The following CDH4 variants were observed in gnomAD, a reference collection of about 807,000 sequenced individuals.
CDH4 encodes the protein cadherin 4.
A neutral mutation model predicts 86.0 loss-of-function variants in CDH4; 33 were observed. That is an observed-to-expected ratio of 0.38 (90% CI 0.29 to 0.51). The LOEUF (loss-of-function observed/expected upper bound fraction) is 0.51, where lower values mean the gene tolerates loss of function less well. Among genes scored for constraint, CDH4 ranks in the 20% least tolerant of loss-of-function variants. The pLI is 0.86. For synonymous variants in CDH4, 555 were observed against 549.4 expected, an observed-to-expected ratio of 1.01 and a Z score of -0.14; for missense variants, 1,114 against 1,307.4, an observed-to-expected ratio of 0.85 and a Z score of 2.28.
chr20:61,322,363 G>A (rs1354957213), intron 2 of CDH4, among the ~76,000 whole-genome samples: 6 of 152,308 alleles, frequency 3.9e-5, no homozygotes, highest in Non-Finnish European at 7.4e-5. Flanking sequence ...GGGAGGTGCC[G>A]GCATCAGGAT....
At chr20:61,472,522 A>AT (rs1021248398) in intron 2 of CDH4, among the ~76,000 whole-genome samples, 12 of 151,496 alleles carry the variant, frequency 7.9e-5, no homozygotes, top group African/African-American at 2.9e-4. Context: ...CTTGCTTTTC[A>AT]TTTTTTTTGT....
chr20:61,327,383 T>C (rs2084542431), intron 2 of CDH4, among the ~76,000 whole-genome samples: 1 of 151,920 alleles, frequency 6.6e-6, no homozygotes, highest in Non-Finnish European at 1.5e-5. Flanking sequence ...TTGGTGGAGG[T>C]TGGGGATGTT....
At chr20:61,502,385 C>T (rs2085709628) in intron 2 of CDH4, among the ~76,000 whole-genome samples, 1 of 152,086 alleles carries the variant, frequency 6.6e-6, no homozygotes, top group Admixed American at 6.5e-5. Context: ...CTTTCTGTTT[C>T]CCAGGGTTGT....
At chr20:61,356,202 T>C (rs1346621976) in intron 2 of CDH4, among the ~76,000 whole-genome samples, 2 of 152,180 alleles carry the variant, frequency 1.3e-5, no homozygotes, top group East Asian at 1.9e-4. Flanking sequence ...TCCTATTGAA[T>C]GGACGAGGGA....
chr20:61,576,925 C>G (rs2145713586), intron 2 of CDH4, among the ~76,000 whole-genome samples: 1 of 152,242 alleles, frequency 6.6e-6, no homozygotes, highest in East Asian at 1.9e-4. Context: ...TTTTTAATGC[C>G]AGAGAAGAAT....
At chr20:61,523,844 G>C (rs78968272) in intron 2 of CDH4, among the ~76,000 whole-genome samples, 3,262 of 152,274 alleles carry the variant, frequency 0.021, 119 homozygotes, top group African/African-American at 0.073. Context: ...GTAATGCCAA[G>C]TTTTTCTTTA....
intron 2 of CDH4, among the ~76,000 whole-genome samples, chr20:61,366,432 C>T (rs1025570397): frequency 1.3e-5 from 2 of 152,200 alleles, no homozygotes; most frequent in Non-Finnish European, 2.9e-5. Flanking sequence ...ATTAAAGACA[C>T]ACACACAGAA....
At chr20:61,813,275 A>C (rs1463268335) in intron 4 of CDH4, among the ~76,000 whole-genome samples, 2 of 152,086 alleles carry the variant, frequency 1.3e-5, no homozygotes, top group African/African-American at 2.4e-5. Context: ...TCCCCCACCC[A>C]GGGCCACACC....
intron 4 of CDH4, among the ~76,000 whole-genome samples, chr20:61,825,731 G>T (rs1981279011): frequency 6.6e-6 from 1 of 152,154 alleles, no homozygotes; most frequent in African/African-American, 2.4e-5. Flanking sequence ...ATGCTCCAAG[G>T]CATTGCTGTT....
At chr20:61,564,998 G>C (rs968813998) in intron 2 of CDH4, among the ~76,000 whole-genome samples, 1 of 148,728 alleles carries the variant, frequency 6.7e-6, no homozygotes, top group Non-Finnish European at 1.5e-5. Flanking sequence ...CAGCCACCTG[G>C]TAGACAGCGG....
chr20:61,802,204 G>A (rs949794981), intron 4 of CDH4, among the ~76,000 whole-genome samples: 1 of 152,222 alleles, frequency 6.6e-6, no homozygotes, highest in Non-Finnish European at 1.5e-5. Context: ...CAGCCCCTGT[G>A]GCAGCCCCAG....
At chr20:61,294,859 C>T (rs2084343577) in intron 2 of CDH4, among the ~76,000 whole-genome samples, 1 of 152,260 alleles carries the variant, frequency 6.6e-6, no homozygotes, top group South Asian at 2.1e-4. Flanking sequence ...GTTCACAGGG[C>T]AGTGATTCTA....
At chr20:61,546,084 A>G (rs1235350133) in intron 2 of CDH4, among the ~76,000 whole-genome samples, 10 of 512 alleles carry the variant, frequency 0.02, no homozygotes, top group East Asian at 0.042. Context: ...GTTTGTTCAC[A>G]CGTGTGTGTG....
chr20:61,489,806 C>T (rs757651258), intron 2 of CDH4, among the ~76,000 whole-genome samples: 3 of 152,200 alleles, frequency 2.0e-5, no homozygotes, highest in Non-Finnish European at 4.4e-5. Context: ...AGTTTGAGAG[C>T]CTCAGAGTCC....
chr20:61,926,983 C>T (rs1483223955), intron 11 of CDH4, among the ~76,000 whole-genome samples: 1 of 116,098 alleles, frequency 8.6e-6, no homozygotes, highest in Admixed American at 9.8e-5. Context: ...CAGGCTGGAG[C>T]AGGAGCCCCC....
chr20:61,315,860 T>G lies in CDH4; in HGVS notation c.169+60923T>G, dbSNP rs367878693. 2.9e-4 allele frequency among the ~76,000 whole-genome samples: 44 copies of G among 152,162 alleles called. 1 individual carries two copies. Among genetic ancestry groups the G allele is most frequent in the Admixed American group, 1.4e-3 (22 of 15,282 alleles). ...CTAGGACTACAGGTGTACACCACCA[T>G]GTCCAGCTAATTTTTTGTTTTTTGT... On this transcript the variant is annotated intron_variant, in intron 2 of 15. Transcript: ENST00000614565.
intron 2 of CDH4, among the ~76,000 whole-genome samples, chr20:61,325,317 C>T (rs1245682464): frequency 2.0e-5 from 3 of 152,064 alleles, no homozygotes; most frequent in Non-Finnish European, 2.9e-5. Flanking sequence ...TTTTGTTTCA[C>T]GTGGCCGTAA....
intron 2 of CDH4, among the ~76,000 whole-genome samples, chr20:61,358,940 C>T (rs977194473): frequency 2.6e-4 from 39 of 152,272 alleles, no homozygotes; most frequent in African/African-American, 9.1e-4. Flanking sequence ...CTTTTGGGTT[C>T]CAGAGCACCT....
chr20:61,345,151 C>A (rs1164315976), intron 2 of CDH4, among the ~76,000 whole-genome samples: 1 of 152,220 alleles, frequency 6.6e-6, no homozygotes, highest in African/African-American at 2.4e-5. Context: ...AATGAGAAAC[C>A]TAATGGGTTC....
Sources: allele counts gnomAD v4.1 joint callset (sites outside exome capture counted in the v4.1 genomes callset), GRCh38; gene constraint gnomAD v4.1.1; transcripts MANE v1.5; gene names NCBI Gene and HGNC (gene_info 2026-07-23, HGNC 2026-07-21).